RAP1GDS1: variants seen among roughly 807,000 people sequenced by gnomAD.
RAP1GDS1 encodes the protein RAP1, GTP-GDP dissociation stimulator 1.
A neutral mutation model predicts 71.1 loss-of-function variants in RAP1GDS1; 35 were observed. That is an observed-to-expected ratio of 0.49 (90% CI 0.38 to 0.65). RAP1GDS1 has a LOEUF of 0.65. RAP1GDS1 is among the 30% of genes least tolerant of loss of function. RAP1GDS1 has a pLI of 0.00. For synonymous variants in RAP1GDS1, 229 were observed against 243.1 expected, an observed-to-expected ratio of 0.94 and a Z score of 0.54; for missense variants, 663 against 706.1, an observed-to-expected ratio of 0.94 and a Z score of 0.69.
At chr4:98,293,646 A>G in intron 2 of RAP1GDS1, 131 bp downstream of exon 2, 1 of 690,784 alleles carries the variant, frequency 1.4e-6, no homozygotes, top group Non-Finnish European at 2.5e-6. Context: ...ATATCCCTGA[A>G]TACTGAGATT....
chr4:98,386,973 T>C (rs1334478038), intron 5 of RAP1GDS1, among the ~76,000 whole-genome samples: 2 of 152,150 alleles, frequency 1.3e-5, no homozygotes, highest in African/African-American at 4.8e-5. Context: ...CTTCAGTCTT[T>C]ATTATGCCCA....
intron 4 of RAP1GDS1, 78 bp downstream of exon 4, chr4:98,352,679 A>T (rs1737389893): frequency 6.6e-7 from 1 of 1,515,674 alleles, no homozygotes; most frequent in Non-Finnish European, 9.0e-7. Flanking sequence ...TTGTGTTAGC[A>T]GTGACTTTTC....
intron 2 of RAP1GDS1, among the ~76,000 whole-genome samples, chr4:98,305,105 GC>G (rs1477697583): frequency 6.6e-6 from 1 of 152,126 alleles, no homozygotes; most frequent in Non-Finnish European, 1.5e-5. Context: ...GTAGCATGAC[GC>G]CTCTAGCTTT....
At chr4:98,379,228 G>T (rs1312265953) in intron 5 of RAP1GDS1, 65 bp downstream of exon 5, 61 of 1,325,778 alleles carry the variant, frequency 4.6e-5, no homozygotes, top group Admixed American at 2.0e-4. Flanking sequence ...TTACTATAGT[G>T]CAAAACAAAA....
At chr4:98,282,522 A>G (rs1236245209) in intron 1 of RAP1GDS1, among the ~76,000 whole-genome samples, 7 of 150,504 alleles carry the variant, frequency 4.7e-5, no homozygotes, top group Non-Finnish European at 8.8e-5. Context: ...TAGTCTTGCT[A>G]GCGGTCTATC....
rs757846632 is a variant in RAP1GDS1 at position 98,261,576 on chromosome 4, C to A, written c.4+7C>A. ...CCCTCGGGGAGCAACATGGGTAAGT[C>A]ATCCTTCCTCCGCCGTCATCGCCTG... is the stretch of plus-strand genomic sequence containing the variant. On this transcript the variant is annotated splice_region_variant and intron_variant, in intron 1 of 14. Coordinates refer to ENST00000408927, the MANE Select transcript of RAP1GDS1 (RefSeq NM_001100427.2). 7.5e-6 allele frequency: 12 copies of A among 1,600,714 alleles called. 1 individual carries two copies. The South Asian group carries it at 1.3e-4, about 18-fold the overall frequency.
intron 1 of RAP1GDS1, among the ~76,000 whole-genome samples, chr4:98,272,062 A>G (rs973630156): frequency 6.6e-6 from 1 of 152,168 alleles, no homozygotes; most frequent in East Asian, 1.9e-4. Context: ...CACACTGGGA[A>G]CAGCACCACC....
intron 13 of RAP1GDS1, 84 bp downstream of exon 13, chr4:98,434,146 G>C: frequency 6.7e-7 from 1 of 1,503,292 alleles, no homozygotes; most frequent in Non-Finnish European, 9.1e-7. Context: ...AAGTCAGACA[G>C]AACCTTGACT....
chr4:98,371,158 G>T (rs536157864), intron 4 of RAP1GDS1, among the ~76,000 whole-genome samples: 86 of 150,856 alleles, frequency 5.7e-4, no homozygotes, highest in African/African-American at 1.9e-3. Context: ...TGTCACACAG[G>T]CTGGAGTGCA....
chr4:98,269,499 T>C (rs760288935), intron 1 of RAP1GDS1, among the ~76,000 whole-genome samples: 4 of 152,104 alleles, frequency 2.6e-5, no homozygotes, highest in Non-Finnish European at 5.9e-5. Flanking sequence ...AATAAGTTTC[T>C]CTGTAGCAAA....
At chr4:98,297,912 C>T (rs1728019511) in intron 2 of RAP1GDS1, among the ~76,000 whole-genome samples, 2 of 152,124 alleles carry the variant, frequency 1.3e-5, no homozygotes, top group Admixed American at 1.3e-4. Context: ...AGCCAGTTAG[C>T]CAAGTTGTGA....
At chr4:98,417,585 A>G (rs1385848850) in intron 9 of RAP1GDS1, 87 bp downstream of exon 9, 2 of 1,356,294 alleles carry the variant, frequency 1.5e-6, no homozygotes, top group East Asian at 4.7e-5. Context: ...AAACTGGAAC[A>G]GTTTAGAAGT....
intron 8 of RAP1GDS1, 29 bp from the exon 9 acceptor site, chr4:98,417,338 G>A (rs763216908): frequency 6.3e-7 from 1 of 1,593,344 alleles, no homozygotes; most frequent in Non-Finnish European, 8.6e-7. Flanking sequence ...TTTTTCTCTT[G>A]CTTAACTATT....
At chr4:98,359,540 T>G (rs770963678) in intron 4 of RAP1GDS1, among the ~76,000 whole-genome samples, 1 of 152,094 alleles carries the variant, frequency 6.6e-6, no homozygotes, top group Non-Finnish European at 1.5e-5. Context: ...TTTGTGGTTT[T>G]GGGGGAAAGT....
intron 5 of RAP1GDS1, among the ~76,000 whole-genome samples, chr4:98,383,653 C>T (rs1306291433): frequency 6.6e-6 from 1 of 151,454 alleles, no homozygotes. Flanking sequence ...TGAAGCATGA[C>T]AACTGAGTTT....
Position 98,374,351 on chromosome 4 carries a change from C to T in RAP1GDS1, c.362-4666C>T, listed in dbSNP as rs72896370. On this transcript the variant is annotated intron_variant, in intron 4 of 14. Transcript: ENST00000408927. ...TTCTAGCATTTCCATTTAACTCTTTCTTACAGTCTCCATTTTCTCCAAAAT... is the reference window on the plus strand; with the variant it reads ...TTCTAGCATTTCCATTTAACTCTTTTTTACAGTCTCCATTTTCTCCAAAAT... Among the ~76,000 whole-genome samples the T allele has an allele frequency of 3.3e-3, 496 of 152,210 alleles. 5 individuals are homozygous for T. Among genetic ancestry groups the T allele is most frequent in the African/African-American group, 0.012 (489 of 41,540 alleles).
At chr4:98,318,032 G>C (rs938910393) in intron 2 of RAP1GDS1, among the ~76,000 whole-genome samples, 3 of 151,732 alleles carry the variant, frequency 2.0e-5, no homozygotes, top group Non-Finnish European at 4.4e-5. Flanking sequence ...TAGTAGAGAC[G>C]GGGTTTCACC....
intron 2 of RAP1GDS1, among the ~76,000 whole-genome samples, chr4:98,331,088 A>G (rs1733940000): frequency 6.6e-6 from 1 of 152,218 alleles, no homozygotes; most frequent in South Asian, 2.1e-4. Flanking sequence ...CGAGGTCAGG[A>G]GCTGGAGACC....
chr4:98,366,042 C>T (rs1271534963), intron 4 of RAP1GDS1, among the ~76,000 whole-genome samples: 3 of 152,166 alleles, frequency 2.0e-5, no homozygotes, highest in Non-Finnish European at 4.4e-5. Flanking sequence ...TGGTGGTTCT[C>T]TTTCTCTCAC....
Sources: allele counts gnomAD v4.1 joint callset (sites outside exome capture counted in the v4.1 genomes callset), GRCh38; gene constraint gnomAD v4.1.1; transcripts MANE v1.5; gene names NCBI Gene and HGNC (gene_info 2026-07-23, HGNC 2026-07-21).